OTOF: variants seen among roughly 807,000 people sequenced by gnomAD.
OTOF encodes the protein otoferlin, also known as fer-1-like family member 2.
Under a neutral mutation model 236.8 loss-of-function variants are expected in OTOF, and 218 were observed. The ratio of observed to expected loss-of-function variants is 0.92; its 90% CI spans 0.82 to 1.03. OTOF has a LOEUF of 1.03. Among genes scored for constraint, OTOF ranks in the 50% least tolerant of loss-of-function variants. The probability of loss-of-function intolerance (pLI) is 0.00; values close to 1 mark genes in which losing one functional copy is unlikely to be tolerated. For synonymous variants in OTOF, 1,041 were observed against 1,072.5 expected, an observed-to-expected ratio of 0.97 and a Z score of 0.57; for missense variants, 2,590 against 2,694.4, an observed-to-expected ratio of 0.96 and a Z score of 0.86.
intron 1 of OTOF, among the ~76,000 whole-genome samples, chr2:26,541,071 G>A (rs12475690): frequency 0.28 from 43,208 of 152,060 alleles, 7,895 homozygotes; most frequent in East Asian, 0.82. Flanking sequence ...ATAACCAAAG[G>A]CCTTTGCATC....
intron 2 of OTOF, among the ~76,000 whole-genome samples, chr2:26,529,679 G>A (rs1042555858): frequency 6.6e-6 from 1 of 152,204 alleles, no homozygotes; most frequent in African/African-American, 2.4e-5. Context: ...TGCCCAGTGT[G>A]GGCAGGGCCT....
chr2:26,465,757 G>A lies in OTOF; in HGVS notation c.4714C>T (p.Leu1572Phe), dbSNP rs1664695882. Residue 1572 changes from leucine (L) to phenylalanine (F), a missense_variant, in exon 38 of 47, where the codon CTC becomes TTC. Leu to Phe is a conservative substitution (Grantham distance 22). Around this residue, in one of 2 missense-constraint regions of OTOF, gnomAD observed 1,211 missense variants for 1,352.8 expected, o/e 0.90. Transcript: ENST00000272371. ...YDWDLVGTDD[L>F]IGETKIDLEN... The stretch of plus-strand genomic sequence containing the variant: ...AGGTCGATCTTGGTTTCCCCAATGA[G>A]GTCATCAGTGCCCACCAGGTCCCAG... The A allele has an allele frequency of 6.2e-7, 1 of 1,614,260 alleles. No homozygotes were observed. The highest frequency in any genetic ancestry group is 8.5e-7 in the Non-Finnish European group (1 of 1,180,034).
At chr2:26,519,171 G>T in intron 3 of OTOF, 62 bp from the exon 4 acceptor site, 3 of 1,106,508 alleles carry the variant, frequency 2.7e-6, no homozygotes, top group South Asian at 1.3e-5. Context: ...GAGCAAGACT[G>T]ACATCCCAAG....
In OTOF at chr2:26,516,308, T is replaced by C. The variant is rs1666522249; in HGVS notation, c.509+110A>G. ...GGATGTCTCTCCAGAAGCTCAGCCC[T>C]GTACTCTGAGCCCAGCTAGGCCTAG... On this transcript the variant is annotated intron_variant, in intron 5 of 46. Transcript: ENST00000272371. 9 of 1,014,268 alleles carry C rather than the reference T, an allele frequency of 8.9e-6. No homozygotes were observed. In the Admixed American group the frequency reaches 1.8e-4, roughly 21 times the overall value. 62.8% of individuals were successfully genotyped at this position (1,014,268 alleles called of 1,614,324 possible).
Position 26,465,856 on chromosome 2 carries a change from G to A in OTOF, c.4629-14C>T. 6.2e-7 allele frequency: 1 copy of A among 1,614,244 alleles called. No homozygotes were observed. The highest frequency in any genetic ancestry group is 8.5e-7 in the Non-Finnish European group (1 of 1,180,036). ...ATGTCAAAGGACCTGGTGGGGTGGA[G>A]TTAGGAGAAGGGCTTAAGGATTGGC... On this transcript the variant is annotated splice_polypyrimidine_tract_variant and intron_variant, in intron 37 of 46. Coordinates refer to ENST00000272371, the MANE Select transcript of OTOF (RefSeq NM_194248.3).
At chr2:26,551,611 A>G (rs1328674863) in intron 1 of OTOF, among the ~76,000 whole-genome samples, 1 of 152,166 alleles carries the variant, frequency 6.6e-6, no homozygotes, top group East Asian at 1.9e-4. Flanking sequence ...TCCCCCTTTG[A>G]GGACAGGAAC....
In OTOF at chr2:26,495,201, G is replaced by A; in HGVS notation, c.766-128C>T. ...CCGGGAGCCAGCACTGGCCTCCTGG[G>A]CTCCATTCTGACCACTGCCTCTCAT... On this transcript the variant is annotated intron_variant, in intron 8 of 46. Transcript: ENST00000272371. The A allele has an allele frequency of 9.4e-6, 8 of 853,470 alleles. No individual in the cohort carries two copies. In the South Asian group the frequency reaches 1.2e-4, roughly 13 times the overall value. The allele number at this position is 853,470 out of a possible 1,614,324, so 52.9% of individuals were successfully genotyped here.
At chr2:26,479,442 A>G in intron 17 of OTOF, 31 bp downstream of exon 17, 1 of 1,604,490 alleles carries the variant, frequency 6.2e-7, no homozygotes, top group South Asian at 1.1e-5. Flanking sequence ...TGGGAGGGCC[A>G]GGCCACAGGA....
In OTOF at chr2:26,473,393, G is replaced by C. The variant is rs952601472; in HGVS notation, c.3570+13C>G. The C allele has an allele frequency of 6.2e-7, 1 of 1,613,344 alleles. No individual in the cohort carries two copies. Among genetic ancestry groups the C allele is most frequent in the South Asian group, 1.1e-5 (1 of 91,084 alleles). On this transcript the variant is annotated intron_variant, in intron 28 of 46. Coordinates refer to ENST00000272371, the MANE Select transcript of OTOF (RefSeq NM_194248.3). The surrounding 1 kb of genome is among the most constrained non-coding windows in gnomAD (Gnocchi z 7.2). ...CTGGCCACAGGATGTCCTCCGCCAG[G>C]GCCTGCACTCACCACTTCAAACCAC...
In OTOF at chr2:26,480,249, G is replaced by T. The variant is rs762720965; in HGVS notation, c.1866C>A (p.Ile622=). The change falls in exon 16 of 47, where the codon ATC becomes ATA. Residue 622 remains isoleucine, a synonymous_variant. Coordinates refer to ENST00000272371, the MANE Select transcript of OTOF (RefSeq NM_194248.3). ...TGGGCTTGTCTCCGTTTCTCCGGTC[G>T]ATCATTGAGGCCTCCAGGAAGGCTC... The part of the protein sequence containing the change: ...LFGAFLEASM[I]DRRNGDKPIT... 4.3e-6 allele frequency: 7 copies of T among 1,612,974 alleles called. No homozygotes were observed. The highest frequency in any genetic ancestry group is 5.9e-6 in the Non-Finnish European group (7 of 1,179,568).
chr2:26,466,418 G>A, intron 36 of OTOF: 1 of 508,596 alleles, frequency 2.0e-6, no homozygotes. Context: ...CTCACTGCAA[G>A]CTCCACCTCC....
chr2:26,527,104 G>A (rs1226634306), intron 3 of OTOF, among the ~76,000 whole-genome samples: 1 of 152,206 alleles, frequency 6.6e-6, no homozygotes, highest in African/African-American at 2.4e-5. Flanking sequence ...ACACCTTATA[G>A]TGATAACGCT....
intron 1 of OTOF, among the ~76,000 whole-genome samples, chr2:26,545,043 A>C (rs974422216): frequency 1.5e-5 from 2 of 136,644 alleles, no homozygotes; most frequent in African/African-American, 2.7e-5. Flanking sequence ...GCCATCCCAA[A>C]AAAAAAAAAA....
chr2:26,474,567 G>C lies in OTOF; in HGVS notation c.3234C>G (p.Ile1078Met). The C allele has an allele frequency of 6.2e-7, 1 of 1,613,178 alleles. No individual in the cohort carries two copies. Among genetic ancestry groups the C allele is most frequent in the Non-Finnish European group, 8.5e-7 (1 of 1,179,990 alleles). The change falls in exon 26 of 47, where the codon ATC (isoleucine) becomes ATG (methionine). Residue 1078 changes from isoleucine to methionine, a missense_variant. Ile to Met is a conservative substitution (Grantham distance 10). This residue lies in a region of OTOF where 1,211 missense variants were observed against 1,352.8 expected (regional missense o/e 0.90). Coordinates refer to ENST00000272371, the MANE Select transcript of OTOF (RefSeq NM_194248.3). ...CTCCAGCTGTGGCGTTGCCACGGTA[G>C]ATCTGGTAGTACTCGAGCTGAGGTG... ...RFPPQLEYYQ[I>M]YRGNATAGDL...
chr2:26,474,656 C>G lies in OTOF; in HGVS notation c.3145G>C (p.Gly1049Arg). The change falls in exon 26 of 47, where the codon GGC becomes CGC. Residue 1049 changes from glycine (G) to arginine (R), a missense_variant. By Grantham distance (125) the Gly-to-Arg change is moderately radical. Transcript: ENST00000272371. ...QDSMGKADFMGRTFAKPLVKM... is the reference protein window; with the variant it reads ...QDSMGKADFMRRTFAKPLVKM... ...ACCAGGGGTTTGGCGAAGGTCCGGCCCATGAAGTCAGCTTTGCCCTGACGC... is the reference window on the plus strand; with the variant it reads ...ACCAGGGGTTTGGCGAAGGTCCGGCGCATGAAGTCAGCTTTGCCCTGACGC... 1 of 1,613,330 alleles carries G rather than the reference C, an allele frequency of 6.2e-7. No individual in the cohort carries two copies. The highest frequency in any genetic ancestry group is 8.5e-7 in the Non-Finnish European group (1 of 1,180,008).
At chr2:26,464,141 T>C in intron 39 of OTOF, 35 bp from the exon 40 acceptor site, 1 of 1,611,664 alleles carries the variant, frequency 6.2e-7, no homozygotes, top group Non-Finnish European at 8.5e-7. Context: ...CACACATGGC[T>C]CAGCAGAACC....
intron 1 of OTOF, among the ~76,000 whole-genome samples, chr2:26,555,656 A>G (rs1667568715): frequency 1.3e-5 from 2 of 152,136 alleles, no homozygotes; most frequent in Admixed American, 1.3e-4. Context: ...GGAACATCTC[A>G]GCAGAGGCTC....
At position 26,458,239 on chromosome 2, in the gene OTOF, G is replaced by A. The variant is rs1462435057; in HGVS notation, c.*18-19C>T. 7 of 1,559,268 alleles carry A rather than the reference G, an allele frequency of 4.5e-6. No individual in the cohort carries two copies. The highest frequency in any genetic ancestry group is 3.5e-5 in the South Asian group (3 of 85,118). On this transcript the variant is annotated intron_variant, in intron 46 of 46. Transcript: ENST00000272371. ...GGGCCGGCTGGGAAGTGGAAGAGAG[G>A]AGCCGGTCAGCCAGTGGGCAGGAGC...
intron 5 of OTOF, among the ~76,000 whole-genome samples, 174 bp downstream of exon 5, chr2:26,516,244 G>A (rs1330838183): frequency 3.3e-5 from 5 of 152,166 alleles, no homozygotes; most frequent in Admixed American, 6.5e-5. Flanking sequence ...GGGGGTGGAC[G>A]GCTGGGTGGG....
Sources: gnomAD v4.1 joint callset for allele counts (sites outside exome capture counted in the v4.1 genomes callset) on GRCh38, gnomAD v4.1.1 for gene constraint, gnomAD v4.1.1 regional missense constraint, Gnocchi (gnomAD v3.1) non-coding constraint, MANE v1.5 for transcripts, NCBI Gene and HGNC (gene_info 2026-07-23, HGNC 2026-07-21) for gene names.